ARHGEF38: variants seen among roughly 807,000 people sequenced by gnomAD.
The protein encoded by ARHGEF38 is Rho guanine nucleotide exchange factor (GEF) 38.
Under a neutral mutation model 79.9 loss-of-function variants are expected in ARHGEF38, and 79 were observed. The observed-to-expected ratio is 0.99, with a 90% CI of 0.82 to 1.19. The LOEUF (loss-of-function observed/expected upper bound fraction) is 1.19, where lower values mean the gene tolerates loss of function less well. Ranked by LOEUF, ARHGEF38 falls within the 50% of genes most tolerant of loss-of-function variation. The pLI is 0.00. For missense variants in ARHGEF38, 962 were observed against 907.2 expected, an observed-to-expected ratio of 1.06 and a Z score of -0.78; for synonymous variants, 366 against 328.3, an observed-to-expected ratio of 1.11 and a Z score of -1.24.
At chr4:105,564,837 C>CAATG (rs1421809717) in intron 1 of ARHGEF38, among the ~76,000 whole-genome samples, 1 of 152,114 alleles carries the variant, frequency 6.6e-6, no homozygotes, top group Non-Finnish European at 1.5e-5. Flanking sequence ...TATGAGTGGC[C>CAATG]AATGGCCTGT....
rs138714191 is a variant in ARHGEF38 at position 105,572,397 on chromosome 4, C to T, written c.197-16851C>T. Among the ~76,000 whole-genome samples the T allele has an allele frequency of 2.0e-5, 3 of 152,252 alleles. No homozygotes were observed. In the East Asian group the frequency reaches 5.8e-4, roughly 29 times the overall value. On this transcript the variant is annotated intron_variant, in intron 1 of 13. Transcript: ENST00000420470. ...TTCATTTGTGGTAAAATGCACATAA[C>T]AACATTTACCATCTTAGCCACTTTA...
At chr4:105,607,742 A>G (rs1728113213) in intron 2 of ARHGEF38, among the ~76,000 whole-genome samples, 1 of 152,116 alleles carries the variant, frequency 6.6e-6, no homozygotes, top group African/African-American at 2.4e-5. Context: ...TCTTTGGGTC[A>G]TAGATAACAG....
chr4:105,612,630 A>G (rs1225898908), intron 2 of ARHGEF38, among the ~76,000 whole-genome samples: 2 of 152,128 alleles, frequency 1.3e-5, no homozygotes, highest in Non-Finnish European at 2.9e-5. Context: ...ATCAGAGCAC[A>G]TATCTCACCA....
At chr4:105,613,749 C>T (rs1199816288) in intron 3 of ARHGEF38, among the ~76,000 whole-genome samples, 1 of 152,062 alleles carries the variant, frequency 6.6e-6, no homozygotes, top group Admixed American at 6.6e-5. Context: ...AATTTCCAAT[C>T]TTTCAATCTC....
At chr4:105,581,335 T>C (rs1258656849) in intron 1 of ARHGEF38, among the ~76,000 whole-genome samples, 1 of 152,146 alleles carries the variant, frequency 6.6e-6, no homozygotes, top group East Asian at 1.9e-4. Context: ...CTTTCAAAAA[T>C]TCTGAAAAGC....
At chr4:105,571,467 C>T (rs988518188) in intron 1 of ARHGEF38, among the ~76,000 whole-genome samples, 4 of 151,838 alleles carry the variant, frequency 2.6e-5, no homozygotes, top group East Asian at 1.9e-4. Context: ...GGATTACAGG[C>T]GCCCACCACC....
chr4:105,583,449 C>G (rs1331249710), intron 1 of ARHGEF38, among the ~76,000 whole-genome samples: 2 of 152,166 alleles, frequency 1.3e-5, no homozygotes, highest in Non-Finnish European at 2.9e-5. Flanking sequence ...TGCACACGCT[C>G]ACCTTAAGGT....
chr4:105,584,982 G>T (rs1726963965), intron 1 of ARHGEF38, among the ~76,000 whole-genome samples: 1 of 152,078 alleles, frequency 6.6e-6, no homozygotes, highest in African/African-American at 2.4e-5. Context: ...CTAAACCCCA[G>T]CTTTGTTCTG....
chr4:105,593,255 G>A (rs377676961), intron 2 of ARHGEF38, among the ~76,000 whole-genome samples: 31 of 152,148 alleles, frequency 2.0e-4, no homozygotes, highest in East Asian at 9.7e-4. Context: ...TAAAAAACAC[G>A]CCCAGTTGCA....
At chr4:105,627,487 T>C (rs1288170894) in intron 3 of ARHGEF38, among the ~76,000 whole-genome samples, 1 of 152,130 alleles carries the variant, frequency 6.6e-6, no homozygotes, top group Non-Finnish European at 1.5e-5. Context: ...ATAATATCAA[T>C]ATTTTGGGAA....
intron 7 of ARHGEF38, 22 bp from the exon 8 acceptor site, chr4:105,654,043 A>G (rs1353804903): frequency 7.5e-7 from 1 of 1,327,276 alleles, no homozygotes; most frequent in Non-Finnish European, 1.0e-6. Flanking sequence ...GAGTTATGAA[A>G]ATAATTTCAT....
intron 1 of ARHGEF38, among the ~76,000 whole-genome samples, chr4:105,578,869 T>C (rs1726639362): frequency 6.6e-6 from 1 of 152,204 alleles, no homozygotes; most frequent in Non-Finnish European, 1.5e-5. Context: ...TGCCAATCTG[T>C]ATATTTTAAG....
chr4:105,581,441 A>G (rs908540530), intron 1 of ARHGEF38, among the ~76,000 whole-genome samples: 1 of 152,082 alleles, frequency 6.6e-6, no homozygotes, highest in Non-Finnish European at 1.5e-5. Flanking sequence ...TTCTTATTCA[A>G]TCCTCAACAT....
chr4:105,566,441 T>C (rs1212931156), intron 1 of ARHGEF38, among the ~76,000 whole-genome samples: 1 of 152,166 alleles, frequency 6.6e-6, no homozygotes, highest in Non-Finnish European at 1.5e-5. Context: ...TGTGGGTACA[T>C]AATAGGTGCA....
intron 3 of ARHGEF38, among the ~76,000 whole-genome samples, chr4:105,616,592 C>A (rs1294361800): frequency 6.6e-6 from 1 of 152,140 alleles, no homozygotes; most frequent in Non-Finnish European, 1.5e-5. Context: ...GGCCCCTCCC[C>A]CATCACCTGG....
intron 13 of ARHGEF38, among the ~76,000 whole-genome samples, chr4:105,670,953 C>T (rs1414285098): frequency 6.6e-6 from 1 of 152,088 alleles, no homozygotes; most frequent in Non-Finnish European, 1.5e-5. Flanking sequence ...GCATTTAGTT[C>T]CTACTAGCTG....
chr4:105,671,133 G>A (rs574236081), intron 13 of ARHGEF38, among the ~76,000 whole-genome samples: 1 of 152,194 alleles, frequency 6.6e-6, no homozygotes, highest in South Asian at 2.1e-4. Flanking sequence ...TTTTTCCTCT[G>A]CATTTGGCAC....
In ARHGEF38 at chr4:105,679,980, T is replaced by G; in HGVS notation, c.*2043T>G. On this transcript the variant is annotated 3_prime_UTR_variant, in exon 14 of 14. Transcript: ENST00000420470. ...TTTGTGACTGTGCAATGTCCCCATG[T>G]AAACACAGTGCATTCTGTTTTGTGC... 7.8e-7 allele frequency: 1 copy of G among 1,282,696 alleles called. No homozygotes were observed. The highest frequency in any genetic ancestry group is 1.1e-6 in the Non-Finnish European group (1 of 883,348). The allele number at this position is 1,282,696 out of a possible 1,614,324, so 79.5% of individuals were successfully genotyped here. A position where few individuals can be genotyped will look rare whatever the true frequency, so the allele number is the denominator to read the frequency against.
chr4:105,593,538 C>T (rs1727437224), intron 2 of ARHGEF38, among the ~76,000 whole-genome samples: 1 of 152,104 alleles, frequency 6.6e-6, no homozygotes, highest in South Asian at 2.1e-4. Flanking sequence ...ACCCTGTCTC[C>T]AGAAGAAACA....
Sources: gnomAD v4.1 joint callset for allele counts (sites outside exome capture counted in the v4.1 genomes callset) on GRCh38, gnomAD v4.1.1 for gene constraint, MANE v1.5 for transcripts, NCBI Gene and HGNC (gene_info 2026-07-23, HGNC 2026-07-21) for gene names.